SLC25A17: variants seen among roughly 807,000 people sequenced by gnomAD.
The protein encoded by SLC25A17 is solute carrier family 25 member 17, also known as peroxisomal membrane protein PMP34.
SLC25A17 carries 26 observed loss-of-function variants against 38.5 expected under a neutral mutation model. The observed-to-expected ratio is 0.68, with a 90% CI of 0.50 to 0.94. The LOEUF (loss-of-function observed/expected upper bound fraction) is 0.94. Among genes scored for constraint, SLC25A17 ranks in the 40% least tolerant of loss-of-function variants. The pLI is 0.00. For missense variants in SLC25A17, 333 were observed against 372.7 expected (o/e 0.89, Z 0.88); for synonymous variants, 139 against 136.2 (o/e 1.02, Z -0.14).
rs574114915 is a variant in SLC25A17, at chr22:40,818,864, G to A, written c.54+331C>T. On this transcript the variant is annotated intron_variant, in intron 1 of 8. Transcript: ENST00000435456. The stretch of plus-strand genomic sequence containing the variant: ...CGGCTTCACACCTACGTTCTCCTCC[G>A]GGCCAGTAAAGCAAAGTGTGTGAGT... Among the ~76,000 whole-genome samples the A allele has an allele frequency of 1.1e-4, 17 of 152,172 alleles. No individual in the cohort carries two copies. In the South Asian group the frequency reaches 1.9e-3, roughly 17 times the overall value.
intron 4 of SLC25A17, among the ~76,000 whole-genome samples, chr22:40,786,233 C>T (rs1433727673): frequency 6.6e-6 from 1 of 151,922 alleles, no homozygotes; most frequent in Non-Finnish European, 1.5e-5. Flanking sequence ...ATCGCTTGAA[C>T]CCAGGTGGCA....
At position 40,819,256 on chromosome 22, in the gene SLC25A17, G is replaced by C; in HGVS notation, c.-8C>G. Reference sequence around the variant, plus strand: ...GGACAGCACGGAAGCCATTGGTGCGGCTCCTCGAAGACCCAGCCACACTTT... The same window carrying C: ...GGACAGCACGGAAGCCATTGGTGCGCCTCCTCGAAGACCCAGCCACACTTT... On this transcript the variant is annotated 5_prime_UTR_variant, in exon 1 of 9. Coordinates refer to ENST00000435456, the MANE Select transcript of SLC25A17 (RefSeq NM_006358.4). 1 of 1,613,638 alleles carries C rather than the reference G, an allele frequency of 6.2e-7. No individual in the cohort carries two copies. Among genetic ancestry groups the C allele is most frequent in the Non-Finnish European group, 8.5e-7 (1 of 1,179,896 alleles).
chr22:40,774,636 G>T (rs2057222653), intron 7 of SLC25A17, among the ~76,000 whole-genome samples: 1 of 152,176 alleles, frequency 6.6e-6, no homozygotes, highest in Non-Finnish European at 1.5e-5. Context: ...TTTAGATATT[G>T]ATGGTAATAA....
chr22:40,810,161 G>A (rs990171279), intron 1 of SLC25A17, among the ~76,000 whole-genome samples: 2 of 152,056 alleles, frequency 1.3e-5, no homozygotes, highest in African/African-American at 4.8e-5. Context: ...CCTGATACAA[G>A]AGCATCCAAG....
intron 5 of SLC25A17, 86 bp downstream of exon 5, chr22:40,778,923 T>A (rs2057270517): frequency 8.7e-7 from 1 of 1,146,888 alleles, no homozygotes; most frequent in African/African-American, 1.5e-5. Context: ...GCAAAGGATA[T>A]GTTATGTAGC....
At chr22:40,772,367 C>T (rs138870556) in intron 8 of SLC25A17, among the ~76,000 whole-genome samples, 94 of 152,278 alleles carry the variant, frequency 6.2e-4, no homozygotes, top group African/African-American at 2.2e-3. Context: ...TGCAGTGGCA[C>T]AATCACAGCT....
intron 4 of SLC25A17, among the ~76,000 whole-genome samples, chr22:40,785,613 G>T (rs2057331385): frequency 6.6e-6 from 1 of 152,166 alleles, no homozygotes; most frequent in South Asian, 2.1e-4. Context: ...GGTTAAACAG[G>T]CTTTGCAGGA....
chr22:40,784,936 TAAC>T (rs945060946), intron 4 of SLC25A17, among the ~76,000 whole-genome samples: 90 of 152,246 alleles, frequency 5.9e-4, no homozygotes, highest in African/African-American at 2.1e-3. Context: ...AAACAAGTGG[TAAC>T]TAATCTGGCT....
chr22:40,808,884 T>G (rs1001199457), intron 1 of SLC25A17, among the ~76,000 whole-genome samples: 1 of 152,216 alleles, frequency 6.6e-6, no homozygotes, highest in Non-Finnish European at 1.5e-5. Flanking sequence ...TCATTCTTAT[T>G]CTCTCACAGT....
Position 40,770,883 on chromosome 22 carries a change from G to A in SLC25A17, c.875C>T (p.Thr292Ile). ...CCCCATAACTGTGAAGGTGGCAGCT[G>A]TCAGTTTCTCATAAACAAGGAACAT... ...ALMFLVYEKL[T>I]AATFTVMGLK... Residue 292 changes from threonine (T) to isoleucine (I), a missense_variant, in exon 9 of 9, where the codon ACA becomes ATA. Thr to Ile is a moderately conservative substitution (Grantham distance 89). Coordinates refer to ENST00000435456, the MANE Select transcript of SLC25A17 (RefSeq NM_006358.4). 1 of 1,613,448 alleles carries A rather than the reference G, an allele frequency of 6.2e-7. No individual in the cohort carries two copies. Among genetic ancestry groups the A allele is most frequent in the Non-Finnish European group, 8.5e-7 (1 of 1,179,524 alleles).
At chr22:40,816,503 C>T (rs907211667) in intron 1 of SLC25A17, among the ~76,000 whole-genome samples, 2 of 152,096 alleles carry the variant, frequency 1.3e-5, no homozygotes, top group Non-Finnish European at 2.9e-5. Flanking sequence ...AAATATTTCC[C>T]ATCTGCTCTC....
At position 40,776,651 on chromosome 22, in the gene SLC25A17, C is replaced by A. The variant is rs142697808; in HGVS notation, c.693+389G>T. Among the ~76,000 whole-genome samples the A allele has an allele frequency of 3.7e-3, 560 of 152,298 alleles. 4 individuals carry two copies. Among genetic ancestry groups the A allele is most frequent in the Non-Finnish European group, 5.8e-3 (395 of 68,024 alleles). On this transcript the variant is annotated intron_variant, in intron 7 of 8. Transcript: ENST00000435456. The stretch of plus-strand genomic sequence containing the variant: ...ATGGTTCATGCCTATAATCCCAGCA[C>A]TTTGGAAGGCCAAGGTGGGAGGATC...
intron 7 of SLC25A17, 121 bp from the exon 8 acceptor site, chr22:40,774,140 A>G: frequency 3.3e-6 from 2 of 606,052 alleles, no homozygotes; most frequent in South Asian, 2.0e-5. Context: ...AATTTATCCA[A>G]TTAGTACCAT....
rs1342396230 is a variant in SLC25A17, at chr22:40,819,227, C to G, written c.22G>C (p.Glu8Gln). 6.2e-7 allele frequency: 1 copy of G among 1,613,690 alleles called. No individual in the cohort carries two copies. Among genetic ancestry groups the G allele is most frequent in the Non-Finnish European group, 8.5e-7 (1 of 1,180,012 alleles). The change falls in exon 1 of 9, where the codon GAA becomes CAA. Residue 8 changes from glutamate to glutamine, a missense_variant. Transcript: ENST00000435456. ...CCGGCCACGGCGTGGACCAGGCTTT[C>G]GTAGGACAGCACGGAAGCCATTGGT... is the stretch of plus-strand genomic sequence containing the variant. MASVLSY[E>Q]SLVHAVAGAV... is the part of the protein sequence containing the mutation.
In SLC25A17 at chr22:40,799,010, G is replaced by A; in HGVS notation, c.115+13C>T. On this transcript the variant is annotated intron_variant, in intron 2 of 8. Transcript: ENST00000435456. The stretch of plus-strand genomic sequence containing the variant: ...CCTGACACCATACAAATAGGAGTAT[G>A]ATTTCTACTTACCCTGAAGTCGAAG... 1 of 1,553,756 alleles carries A rather than the reference G, an allele frequency of 6.4e-7. No homozygotes were observed. Among genetic ancestry groups the A allele is most frequent in the Non-Finnish European group, 8.9e-7 (1 of 1,125,788 alleles).
chr22:40,782,684 G>A (rs2057305518), intron 4 of SLC25A17, among the ~76,000 whole-genome samples: 1 of 152,214 alleles, frequency 6.6e-6, no homozygotes, highest in South Asian at 2.1e-4. Context: ...TGACTCCGTA[G>A]GAAGGAATGA....
At position 40,770,800 on chromosome 22, in the gene SLC25A17, T is replaced by G; in HGVS notation, c.*34A>C. On this transcript the variant is annotated 3_prime_UTR_variant, in exon 9 of 9. Transcript: ENST00000435456. ...TTCACTCAGGAGGAAACCTCCCTCT[T>G]GAGCATCTTCGGAATTTTTCATGGG... 2 of 1,578,512 alleles carry G rather than the reference T, an allele frequency of 1.3e-6. No individual in the cohort carries two copies. Among genetic ancestry groups the G allele is most frequent in the Non-Finnish European group, 1.7e-6 (2 of 1,156,170 alleles).
At chr22:40,816,476 A>G (rs2057640547) in intron 1 of SLC25A17, among the ~76,000 whole-genome samples, 1 of 152,184 alleles carries the variant, frequency 6.6e-6, no homozygotes, top group Non-Finnish European at 1.5e-5. Flanking sequence ...AGCTGTGACA[A>G]CGGTACACAA....
chr22:40,783,679 T>C (rs2057312752), intron 4 of SLC25A17, among the ~76,000 whole-genome samples: 1 of 152,050 alleles, frequency 6.6e-6, no homozygotes, highest in African/African-American at 2.4e-5. Context: ...TTAACTTGAC[T>C]TAACACCATA....
Sources: gnomAD v4.1 joint callset for allele counts (sites outside exome capture counted in the v4.1 genomes callset) on GRCh38, gnomAD v4.1.1 for gene constraint, MANE v1.5 for transcripts, NCBI Gene and HGNC (gene_info 2026-07-23, HGNC 2026-07-21) for gene names.